Variants in TNIK observed in about 807,000 individuals in gnomAD.
TNIK encodes the protein TRAF2 and NCK interacting kinase.
Under a neutral mutation model 191.3 loss-of-function variants are expected in TNIK, and 49 were observed. The observed-to-expected ratio is 0.26, with a 90% CI of 0.20 to 0.32. The LOEUF is 0.32. Ranked by LOEUF, TNIK falls within the 10% of genes least tolerant of loss-of-function variation. The probability of loss-of-function intolerance (pLI) is 1.00; values close to 1 mark genes in which losing one functional copy is unlikely to be tolerated. For synonymous variants in TNIK, 594 were observed against 600.9 expected (o/e 0.99, Z 0.17); for missense variants, 1,155 against 1,702.3 (o/e 0.68, Z 5.66).
At chr3:171,199,245 G>T (rs532085153) in intron 4 of TNIK, among the ~76,000 whole-genome samples, 4 of 151,528 alleles carry the variant, frequency 2.6e-5, no homozygotes, top group Non-Finnish European at 5.9e-5. Flanking sequence ...GCTAGCAATT[G>T]GTTCCTACAG....
intron 1 of TNIK, among the ~76,000 whole-genome samples, chr3:171,408,831 A>C (rs1473793624): frequency 6.6e-6 from 1 of 152,174 alleles, no homozygotes; most frequent in East Asian, 1.9e-4. Flanking sequence ...AAACTGACAA[A>C]GGATAAAGTA....
At chr3:171,364,456 T>TA (rs550797259) in intron 2 of TNIK, among the ~76,000 whole-genome samples, 1 of 151,664 alleles carries the variant, frequency 6.6e-6, no homozygotes, top group Non-Finnish European at 1.5e-5. Context: ...ATGAAAATGC[T>TA]AAAAAAAATT....
rs1726492773 is a variant in TNIK, at chr3:171,115,243, T to C, written c.2121-4366A>G. ...GAGTTTTCTTCCCTGGTGGTTGTGG[T>C]GTGGTAGCAGGATAGAGCTACTTGT... On this transcript the variant is annotated intron_variant, in intron 18 of 32. Coordinates refer to ENST00000436636, the MANE Select transcript of TNIK (RefSeq NM_015028.4). Among the ~76,000 whole-genome samples the C allele has an allele frequency of 2.0e-5, 3 of 152,298 alleles. No homozygotes were observed. In the South Asian group the frequency reaches 6.2e-4, roughly 32 times the overall value.
intron 2 of TNIK, among the ~76,000 whole-genome samples, chr3:171,303,092 AG>A (rs1200411983): frequency 1.3e-5 from 2 of 152,226 alleles, no homozygotes; most frequent in African/African-American, 4.8e-5. Context: ...ACATTTATAA[AG>A]TCAAGCAAAA....
chr3:171,117,504 A>ATATGAGACATATACATATG (rs1238213956), intron 18 of TNIK, among the ~76,000 whole-genome samples: 4 of 152,232 alleles, frequency 2.6e-5, no homozygotes, highest in Non-Finnish European at 5.9e-5. Flanking sequence ...AAATACATAT[A>ATATGAGACATATACATATG]TATGAGACAT....
intron 2 of TNIK, among the ~76,000 whole-genome samples, chr3:171,271,571 A>C (rs1372419815): frequency 6.6e-6 from 1 of 152,222 alleles, no homozygotes; most frequent in African/African-American, 2.4e-5. Flanking sequence ...CCATAAAAAC[A>C]CTTCTCAAAA....
intron 4 of TNIK, among the ~76,000 whole-genome samples, chr3:171,201,383 G>A (rs944908461): frequency 6.6e-6 from 1 of 152,062 alleles, no homozygotes; most frequent in Admixed American, 6.6e-5. Context: ...TGGGCAACAA[G>A]AGCGAAACTC....
At chr3:171,126,286 A>T in intron 16 of TNIK, 135 bp from the exon 17 acceptor site, 1 of 1,088,202 alleles carries the variant, frequency 9.2e-7, no homozygotes, top group Non-Finnish European at 1.2e-6. Flanking sequence ...TATCACAACT[A>T]TATATAGCAT....
intron 2 of TNIK, among the ~76,000 whole-genome samples, chr3:171,274,584 AT>A (rs1749498502): frequency 1.3e-5 from 2 of 152,356 alleles, no homozygotes; most frequent in South Asian, 4.1e-4. Flanking sequence ...GTTTCAAGTA[AT>A]TCTCAGATAG....
chr3:171,383,320 A>C (rs1718309720), intron 1 of TNIK, among the ~76,000 whole-genome samples: 1 of 152,194 alleles, frequency 6.6e-6, no homozygotes, highest in Admixed American at 6.5e-5. Context: ...ACAGAATTGC[A>C]AGTCCTCGAC....
In TNIK at chr3:171,384,823, C is replaced by T. The variant is rs145973171; in HGVS notation, c.58-15138G>A. Among the ~76,000 whole-genome samples, 570 of 152,208 alleles carry T rather than the reference C, an allele frequency of 3.7e-3. 3 individuals carry two copies. The highest frequency in any genetic ancestry group is 0.013 in the African/African-American group (555 of 41,546). On this transcript the variant is annotated intron_variant, in intron 1 of 32. Coordinates refer to ENST00000436636, the MANE Select transcript of TNIK (RefSeq NM_015028.4). ...AGCACATGACTGAAAATGACTTCATCGTTTATAATTTTTCTGACATTGAAC... is the reference window on the plus strand; with the variant it reads ...AGCACATGACTGAAAATGACTTCATTGTTTATAATTTTTCTGACATTGAAC...
chr3:171,315,874 G>T (rs1754541802), intron 2 of TNIK, among the ~76,000 whole-genome samples: 1 of 152,054 alleles, frequency 6.6e-6, no homozygotes, highest in Non-Finnish European at 1.5e-5. Flanking sequence ...CATTACATCT[G>T]CAGAGACCCT....
At chr3:171,084,539 G>T (rs1046053576) in intron 25 of TNIK, among the ~76,000 whole-genome samples, 2 of 152,096 alleles carry the variant, frequency 1.3e-5, no homozygotes, top group East Asian at 1.9e-4. Context: ...TAGAAAAACA[G>T]GCTTATAGAC....
At position 171,270,246 on chromosome 3, in the gene TNIK, G is replaced by A. The variant is rs145172711; in HGVS notation, c.124-42025C>T. 3.6e-3 allele frequency among the ~76,000 whole-genome samples: 549 copies of A among 152,286 alleles called. 4 individuals carry two copies. Among genetic ancestry groups the A allele is most frequent in the African/African-American group, 0.012 (492 of 41,550 alleles). The stretch of plus-strand genomic sequence containing the variant: ...AGGGCTGGGGGCAACTGGGTCATGA[G>A]AATACCCCCGTAGTATCAATATTTA... On this transcript the variant is annotated intron_variant, in intron 2 of 32. Transcript: ENST00000436636.
At position 171,130,881 on chromosome 3, in the gene TNIK, C is replaced by A. The variant is rs1729146800; in HGVS notation, c.1609-2003G>T. ...TTTTGGCTCTAAAATACACTGATAG[C>A]TTTAAATGTACATTAAGGGACAGCA... On this transcript the variant is annotated intron_variant, in intron 15 of 32. Transcript: ENST00000436636. Among the ~76,000 whole-genome samples the A allele has an allele frequency of 3.3e-5, 5 of 152,244 alleles. No homozygotes were observed. The South Asian group carries it at 1.0e-3, about 32-fold the overall frequency.
chr3:171,365,158 A>ATTTTTTTTTTTTT (rs1715515509), intron 2 of TNIK, among the ~76,000 whole-genome samples: 7 of 51,592 alleles, frequency 1.4e-4, no homozygotes, highest in Non-Finnish European at 3.0e-4. Context: ...AAAGGACTAC[A>ATTTTTTTTTTTTT]TTCTTTTTTT....
chr3:171,411,483 A>G (rs1722413640), intron 1 of TNIK, among the ~76,000 whole-genome samples: 1 of 152,030 alleles, frequency 6.6e-6, no homozygotes, highest in Admixed American at 6.6e-5. Flanking sequence ...GTATTTTATA[A>G]TGTCATCTGG....
chr3:171,143,417 G>C (rs1731117419), intron 12 of TNIK, among the ~76,000 whole-genome samples: 1 of 152,178 alleles, frequency 6.6e-6, no homozygotes. Context: ...GCTCTCTGAG[G>C]GCAAGGCCAG....
intron 28 of TNIK, among the ~76,000 whole-genome samples, chr3:171,075,890 C>T (rs777097230): frequency 2.0e-5 from 3 of 152,028 alleles, no homozygotes; most frequent in Non-Finnish European, 4.4e-5. Flanking sequence ...GTGCCCATCA[C>T]CATGCCTGGC....
Sources: gnomAD v4.1 joint callset for allele counts (sites outside exome capture counted in the v4.1 genomes callset) on GRCh38, gnomAD v4.1.1 for gene constraint, MANE v1.5 for transcripts, NCBI Gene and HGNC (gene_info 2026-07-23, HGNC 2026-07-21) for gene names.